PABPC4: variants seen among roughly 807,000 people sequenced by gnomAD.
PABPC4 encodes the protein polyadenylate-binding protein 4.
In PABPC4, 15 loss-of-function variants were observed where a neutral mutation model predicts 74.5. That is an observed-to-expected ratio of 0.20 (90% confidence interval 0.13 to 0.31). The LOEUF is 0.31. PABPC4 is among the 10% of genes least tolerant of loss of function. PABPC4 has a pLI of 1.00. For missense variants in PABPC4, 610 were observed against 853.5 expected (o/e 0.71, Z 3.55); for synonymous variants, 345 against 303.0 (o/e 1.14, Z -1.44).
chr1:39,566,303 C>T lies in PABPC4; in HGVS notation c.973-925G>A, dbSNP rs754185051. Reference sequence around the variant, plus strand: ...TCAGGATAACACTTTTGGAATACCACGTGTGGACAGGAGTCCTAAAATGTT... The same window carrying T: ...TCAGGATAACACTTTTGGAATACCATGTGTGGACAGGAGTCCTAAAATGTT... On this transcript the variant is annotated intron_variant, in intron 7 of 15. Coordinates refer to ENST00000372858, the MANE Select transcript of PABPC4 (RefSeq NM_001135653.2). Among the ~76,000 whole-genome samples, 26 of 152,228 alleles carry T rather than the reference C, an allele frequency of 1.7e-4. No individual in the cohort carries two copies. In the South Asian group the frequency reaches 1.9e-3, roughly 11 times the overall value.
intron 1 of PABPC4, among the ~76,000 whole-genome samples, chr1:39,575,522 A>G (rs985902971): frequency 1.3e-5 from 2 of 152,168 alleles, no homozygotes; most frequent in Non-Finnish European, 2.9e-5. Flanking sequence ...TTCCAACCCC[A>G]CTACCAGCAA....
chr1:39,575,722 G>A (rs1396877176), intron 1 of PABPC4, 37 bp downstream of exon 1: 2 of 1,480,510 alleles, frequency 1.4e-6, no homozygotes, highest in African/African-American at 1.4e-5. Flanking sequence ...GGGGTCCTCC[G>A]GGCTCCCACG....
In PABPC4 at chr1:39,565,390, G is replaced by C. The variant is rs779700018; in HGVS notation, c.973-12C>G. On this transcript the variant is annotated splice_polypyrimidine_tract_variant and intron_variant, in intron 7 of 15. Transcript: ENST00000372858. ...TCCTCCAGCATTACCTACAAAATGA[G>C]ACCAGCTACTTAAGAAATAAGGTGT... The C allele has an allele frequency of 3.1e-6, 5 of 1,602,372 alleles. No homozygotes were observed. The East Asian group carries it at 6.7e-5, about 22-fold the overall frequency.
intron 12 of PABPC4, 71 bp downstream of exon 12, chr1:39,563,543 A>G: frequency 6.4e-7 from 1 of 1,560,204 alleles, no homozygotes; most frequent in Non-Finnish European, 8.7e-7. Flanking sequence ...AAGGAATCAA[A>G]AGCACAGCTT....
intron 2 of PABPC4, among the ~76,000 whole-genome samples, chr1:39,572,039 G>A (rs941026482): frequency 1.3e-5 from 2 of 152,200 alleles, no homozygotes; most frequent in Admixed American, 6.5e-5. Context: ...GAACAGATAC[G>A]TAGAAGGAAT....
At chr1:39,562,467 G>C in intron 12 of PABPC4, 51 bp from the exon 13 acceptor site, 1 of 1,325,452 alleles carries the variant, frequency 7.5e-7, no homozygotes, top group South Asian at 1.2e-5. Flanking sequence ...GACAACACCT[G>C]ATGGTGGTTG....
chr1:39,564,626 G>A, intron 9 of PABPC4, 60 bp downstream of exon 9: 2 of 1,609,850 alleles, frequency 1.2e-6, no homozygotes, highest in Non-Finnish European at 1.7e-6. Flanking sequence ...AAGAAGGAAA[G>A]GCAGGGGAGA....
At chr1:39,568,017 G>A (rs939452727) in intron 6 of PABPC4, 171 bp from the exon 7 acceptor site, 4 of 505,454 alleles carry the variant, frequency 7.9e-6, no homozygotes, top group East Asian at 3.6e-5. Context: ...CAGCACTTTG[G>A]GAGGCCGAGG....
intron 1 of PABPC4, among the ~76,000 whole-genome samples, chr1:39,574,648 T>C (rs769416302): frequency 6.6e-6 from 1 of 152,214 alleles, no homozygotes; most frequent in African/African-American, 2.4e-5. Context: ...CCTCTCAACA[T>C]GTCCAATTCT....
intron 3 of PABPC4, among the ~76,000 whole-genome samples, chr1:39,570,932 C>CA (rs1413581338): frequency 4.6e-5 from 7 of 152,270 alleles, no homozygotes; most frequent in South Asian, 2.1e-4. Context: ...GACCCCGACT[C>CA]AGAGTGAGCT....
chr1:39,572,634 C>G, intron 1 of PABPC4, 48 bp from the exon 2 acceptor site: 1 of 1,425,442 alleles, frequency 7.0e-7, no homozygotes, highest in Non-Finnish European at 9.9e-7. Flanking sequence ...CGTCAGCTCC[C>G]ACAGGCCAAC....
chr1:39,571,475 T>C lies in PABPC4; in HGVS notation c.388-126A>G, dbSNP rs1464549864. 23 of 1,104,996 alleles carry C rather than the reference T, an allele frequency of 2.1e-5. No homozygotes were observed. The Admixed American group carries it at 3.5e-4, about 17-fold the overall frequency. The allele number at this position is 1,104,996 out of a possible 1,614,324, so 68.4% of individuals were successfully genotyped here. Reference sequence around the variant, plus strand: ...GGCCAATGGTGGTCAAGTACACCAGTATAATTTTTCTAACACCTAGCACAG... The same window carrying C: ...GGCCAATGGTGGTCAAGTACACCAGCATAATTTTTCTAACACCTAGCACAG... On this transcript the variant is annotated intron_variant, in intron 2 of 15. Coordinates refer to ENST00000372858, the MANE Select transcript of PABPC4 (RefSeq NM_001135653.2).
chr1:39,570,662 A>G (rs1405649079), intron 3 of PABPC4: 2 of 156,684 alleles, frequency 1.3e-5, no homozygotes, highest in African/African-American at 4.8e-5. Flanking sequence ...TAACAACCAC[A>G]TCAAAGCAAC....
Position 39,563,590 on chromosome 1 carries a change from A to G in PABPC4, c.1668+24T>C, listed in dbSNP as rs374800951. On this transcript the variant is annotated intron_variant, in intron 12 of 15. Coordinates refer to ENST00000372858, the MANE Select transcript of PABPC4 (RefSeq NM_001135653.2). Reference sequence around the variant, plus strand: ...AGTGGAAATGGGGGAAATCCTTTTAAGCATTCTGTCTGGTGAACCTCACCT... The same window carrying G: ...AGTGGAAATGGGGGAAATCCTTTTAGGCATTCTGTCTGGTGAACCTCACCT... 5.0e-6 allele frequency: 8 copies of G among 1,602,658 alleles called. No individual in the cohort carries two copies. The African/African-American group carries it at 6.7e-5, about 13-fold the overall frequency.
intron 2 of PABPC4, among the ~76,000 whole-genome samples, chr1:39,571,877 T>C (rs907154787): frequency 1.4e-4 from 21 of 152,292 alleles, no homozygotes; most frequent in African/African-American, 5.1e-4. Context: ...ACTCTGTCTC[T>C]TTAAAACACA....
intron 14 of PABPC4, 114 bp from the exon 15 acceptor site, chr1:39,561,901 G>T: frequency 8.5e-7 from 1 of 1,172,726 alleles, no homozygotes; most frequent in Non-Finnish European, 1.2e-6. Context: ...CTAGGCTTCT[G>T]GTGCTAACTA....
intron 15 of PABPC4, chr1:39,561,345 G>A (rs112500658): frequency 2.9e-6 from 1 of 344,698 alleles, no homozygotes; most frequent in Non-Finnish European, 5.7e-6. Context: ...CCCTTGACAA[G>A]AGGGTCATGA....
intron 8 of PABPC4, 147 bp from the exon 9 acceptor site, chr1:39,564,920 T>A: frequency 1.2e-6 from 1 of 860,294 alleles, no homozygotes; most frequent in South Asian, 1.7e-5. Context: ...TAATGGGGAC[T>A]GTTTTATGCT....
At chr1:39,575,023 G>A (rs1645996805) in intron 1 of PABPC4, among the ~76,000 whole-genome samples, 1 of 152,202 alleles carries the variant, frequency 6.6e-6, no homozygotes, top group Admixed American at 6.5e-5. Flanking sequence ...GCTCTGACTA[G>A]TGCAAAGCAC....
Sources: allele counts gnomAD v4.1 joint callset (sites outside exome capture counted in the v4.1 genomes callset), GRCh38; gene constraint gnomAD v4.1.1; transcripts MANE v1.5; gene names NCBI Gene and HGNC (gene_info 2026-07-23, HGNC 2026-07-21).